Variants in AUTS2 observed in about 807,000 individuals in gnomAD.
AUTS2 encodes autism susceptibility gene 2 protein.
Under a neutral mutation model 112.4 loss-of-function variants are expected in AUTS2, and 17 were observed. That is an observed-to-expected ratio of 0.15 (90% CI 0.10 to 0.23). The LOEUF is 0.23. AUTS2 is among the 10% of genes least tolerant of loss of function. The pLI is 1.00. For missense variants in AUTS2, 1,510 were observed against 1,701.6 expected (o/e 0.89, Z 1.98); for synonymous variants, 751 against 702.7 (o/e 1.07, Z -1.09).
At chr7:69,702,338 G>A (rs1457521861) in intron 1 of AUTS2, among the ~76,000 whole-genome samples, 2 of 152,204 alleles carry the variant, frequency 1.3e-5, no homozygotes, top group Non-Finnish European at 2.9e-5. Flanking sequence ...GGTTCTGGTT[G>A]TGCAAGGATA....
At chr7:70,272,218 G>A (rs1489367493) in intron 4 of AUTS2, among the ~76,000 whole-genome samples, 1 of 151,172 alleles carries the variant, frequency 6.6e-6, no homozygotes, top group Admixed American at 6.6e-5. Context: ...ACCAAGGGAA[G>A]TGTGTTGTAG....
chr7:70,784,202 C>G (rs920727380), intron 15 of AUTS2: 6 of 152,154 alleles, frequency 3.9e-5, no homozygotes, highest in African/African-American at 1.4e-4. Flanking sequence ...GACTTCATCT[C>G]CTAAAACCTA....
In AUTS2 at chr7:69,882,150, CAAAAAAAAAAA is replaced by C. The variant is rs57238970; in HGVS notation, c.310-17119_310-17109del. Among the ~76,000 whole-genome samples the C allele has an allele frequency of 6.1e-3, 346 of 57,158 alleles. 4 individuals are homozygous for C. The highest frequency in any genetic ancestry group is 0.021 in the African/African-American group (335 of 15,906). The allele number at this position is 57,158 out of a possible 152,430, so 37.5% of individuals were successfully genotyped here. ...GGGCAACAAGAGCGAAACTCTGTCT[CAAAAAAAAAAA>C]AAAAAAAAAAAAAAAAGACCAAGTG... On this transcript the variant is annotated intron_variant, in intron 1 of 18. Transcript: ENST00000342771.
intron 5 of AUTS2, among the ~76,000 whole-genome samples, chr7:70,638,218 A>C (rs1266325162): frequency 6.6e-6 from 1 of 151,772 alleles, no homozygotes; most frequent in Middle Eastern, 3.2e-3. Flanking sequence ...AATAGTAATA[A>C]TCCCCCCGAA....
At chr7:69,811,944 A>G (rs78311326) in intron 1 of AUTS2, among the ~76,000 whole-genome samples, 1,906 of 152,308 alleles carry the variant, frequency 0.013, 15 homozygotes, top group Middle Eastern at 0.027. Flanking sequence ...GCTTGAATCA[A>G]TGCATGAATG....
At chr7:70,486,060 C>T (rs375379028) in intron 5 of AUTS2, among the ~76,000 whole-genome samples, 3 of 151,988 alleles carry the variant, frequency 2.0e-5, no homozygotes, top group South Asian at 2.1e-4. Context: ...CAAGGGGCAT[C>T]GGGATAAACT....
chr7:69,816,419 C>T (rs951114153), intron 1 of AUTS2, among the ~76,000 whole-genome samples: 8 of 152,120 alleles, frequency 5.3e-5, no homozygotes, highest in African/African-American at 1.7e-4. Context: ...GAAACACATG[C>T]GGAATCTTGT....
intron 3 of AUTS2, among the ~76,000 whole-genome samples, chr7:70,124,954 C>T (rs1335761692): frequency 6.6e-6 from 1 of 152,064 alleles, no homozygotes; most frequent in Admixed American, 6.6e-5. Flanking sequence ...TTAAAAATTC[C>T]ATATTAGTTC....
At chr7:70,366,804 G>C (rs1352296535) in intron 4 of AUTS2, among the ~76,000 whole-genome samples, 1 of 152,150 alleles carries the variant, frequency 6.6e-6, no homozygotes, top group Non-Finnish European at 1.5e-5. Context: ...GTAATTCTGA[G>C]ACACCTAACC....
At chr7:70,519,570 C>G (rs751502083) in intron 5 of AUTS2, among the ~76,000 whole-genome samples, 1 of 152,132 alleles carries the variant, frequency 6.6e-6, no homozygotes, top group African/African-American at 2.4e-5. Context: ...GACAAACTAA[C>G]TTTGAGATAA....
chr7:70,560,824 A>G (rs1298132559), intron 5 of AUTS2, among the ~76,000 whole-genome samples: 1 of 152,232 alleles, frequency 6.6e-6, no homozygotes, highest in Non-Finnish European at 1.5e-5. Context: ...ACGTGTAATA[A>G]TCTCACACCA....
chr7:69,704,346 C>G (rs199759544), intron 1 of AUTS2, among the ~76,000 whole-genome samples: 1 of 151,846 alleles, frequency 6.6e-6, no homozygotes, highest in East Asian at 1.9e-4. Flanking sequence ...GGTGCGATCT[C>G]TGCTCACTGC....
chr7:70,616,097 C>CA (rs1350657838), intron 5 of AUTS2, among the ~76,000 whole-genome samples: 1 of 152,108 alleles, frequency 6.6e-6, no homozygotes, highest in Non-Finnish European at 1.5e-5. Context: ...AAAAAGACAA[C>CA]AAAAAAGGTG....
At chr7:70,054,030 A>C (rs560363302) in intron 2 of AUTS2, among the ~76,000 whole-genome samples, 3 of 152,238 alleles carry the variant, frequency 2.0e-5, no homozygotes, top group African/African-American at 7.2e-5. Context: ...ACCTTTTTCC[A>C]CTTGGCACTG....
At chr7:70,442,612 T>A (rs1336004567) in intron 5 of AUTS2, among the ~76,000 whole-genome samples, 7 of 152,122 alleles carry the variant, frequency 4.6e-5, no homozygotes, top group African/African-American at 1.7e-4. Context: ...TGCCTCAGCC[T>A]CCCGAGTAGC....
chr7:70,107,750 A>G (rs945893098), intron 2 of AUTS2, among the ~76,000 whole-genome samples: 3 of 150,460 alleles, frequency 2.0e-5, no homozygotes, highest in Non-Finnish European at 4.4e-5. Flanking sequence ...GTGGTGGCTC[A>G]TGCCTGTAAT....
intron 4 of AUTS2, among the ~76,000 whole-genome samples, chr7:70,308,642 G>A (rs972422450): frequency 2.0e-5 from 3 of 152,260 alleles, no homozygotes; most frequent in South Asian, 2.1e-4. Context: ...TGTGCAAACC[G>A]TTTAGAACAG....
chr7:70,786,628 T>G (rs1778927612), intron 17 of AUTS2, among the ~76,000 whole-genome samples: 1 of 152,176 alleles, frequency 6.6e-6, no homozygotes, highest in Non-Finnish European at 1.5e-5. Flanking sequence ...TCGCTGAATA[T>G]GCAAATTATT....
chr7:69,907,964 T>C (rs1253142269), intron 2 of AUTS2, among the ~76,000 whole-genome samples: 2 of 152,230 alleles, frequency 1.3e-5, no homozygotes, highest in African/African-American at 2.4e-5. Context: ...TAAATGTTTA[T>C]ATGTTGAATT....
Sources: allele counts gnomAD v4.1 joint callset (sites outside exome capture counted in the v4.1 genomes callset), GRCh38; gene constraint gnomAD v4.1.1; transcripts MANE v1.5; gene names NCBI Gene and HGNC (gene_info 2026-07-23, HGNC 2026-07-21).